DNAH6: variants seen among roughly 807,000 people sequenced by gnomAD.
DNAH6 encodes the protein dynein axonemal heavy chain 6, also known as axonemal beta dynein heavy chain 6.
Under a neutral mutation model 491.4 loss-of-function variants are expected in DNAH6, and 340 were observed. That is an observed-to-expected ratio of 0.69 (90% CI 0.63 to 0.76). DNAH6 has a LOEUF of 0.76. Among genes scored for constraint, DNAH6 ranks in the 30% least tolerant of loss-of-function variants. The probability of loss-of-function intolerance (pLI) is 0.00; values close to 1 mark genes in which losing one functional copy is unlikely to be tolerated. For missense variants in DNAH6, 4,443 were observed against 4,972.2 expected (o/e 0.89, Z 3.20); for synonymous variants, 1,603 against 1,686.1 (o/e 0.95, Z 1.21).
upstream of DNAH6, among the ~76,000 whole-genome samples, chr2:84,513,056 C>A (rs1002332484): frequency 4.0e-5 from 6 of 150,084 alleles, no homozygotes; most frequent in African/African-American, 1.5e-4. Context: ...CTATTGCCTT[C>A]TTTTGTATGA....
intron 29 of DNAH6, among the ~76,000 whole-genome samples, chr2:84,627,443 T>A (rs10175395): frequency 0.14 from 20,993 of 152,174 alleles, 2,241 homozygotes; most frequent in African/African-American, 0.3. Flanking sequence ...AGGTTTAAAA[T>A]GATTTTCTCA....
intron 63 of DNAH6, among the ~76,000 whole-genome samples, chr2:84,755,673 A>G (rs1243097532): frequency 6.6e-6 from 1 of 152,200 alleles, no homozygotes; most frequent in African/African-American, 2.4e-5. Flanking sequence ...AGAACCTACA[A>G]CACAATGTTG....
At chr2:84,751,645 G>C (rs1480361522) in intron 63 of DNAH6, among the ~76,000 whole-genome samples, 1 of 152,182 alleles carries the variant, frequency 6.6e-6, no homozygotes, top group Admixed American at 6.5e-5. Flanking sequence ...GAACTAGAAA[G>C]AGAAAAAAAC....
chr2:84,508,618 G>A, the DNAH6 span, among the ~76,000 whole-genome samples: 1 of 152,106 alleles, frequency 6.6e-6, no homozygotes, highest in African/African-American at 2.4e-5. Flanking sequence ...GCTTTTGAAT[G>A]TGTTTGCTCT....
intron 3 of DNAH6, among the ~76,000 whole-genome samples, chr2:84,526,004 T>C (rs925068395): frequency 1.3e-5 from 2 of 152,168 alleles, no homozygotes; most frequent in Non-Finnish European, 2.9e-5. Flanking sequence ...TTTTGAATGT[T>C]ATTATAACTT....
At position 84,707,707 on chromosome 2, in the gene DNAH6, C is replaced by T; in HGVS notation, c.9039C>T (p.Tyr3013=). The change falls in exon 54 of 77, where the codon TAC becomes TAT. Residue 3013 remains tyrosine (Y), a synonymous_variant. Transcript: ENST00000389394. ...ACTATGGGGCTTTCACAGCCCAGTACAGGCAGTCAGTGAGTAACCCTGCTT... is the reference window on the plus strand; with the variant it reads ...ACTATGGGGCTTTCACAGCCCAGTATAGGCAGTCAGTGAGTAACCCTGCTT... ...VAYYGAFTAQ[Y]RQSLIECWIQ... 3 of 1,551,786 alleles carry T rather than the reference C, an allele frequency of 1.9e-6. No homozygotes were observed. The highest frequency in any genetic ancestry group is 2.6e-6 in the Non-Finnish European group (3 of 1,146,730).
chr2:84,697,688 A>T lies in DNAH6; in HGVS notation c.7638A>T (p.Arg2546Ser). Residue 2546 changes from arginine (R) to serine (S), a missense_variant, in exon 47 of 77, where the codon AGA (arginine) becomes AGT (serine). Arg to Ser is a moderately radical substitution (Grantham distance 110). Transcript: ENST00000389394. ...LEQVLAATRP[R>S]AKEVGISEGN... is the part of the protein sequence containing the mutation. ...AGGTTTTAGCGGCCACCAGACCAAG[A>T]GCAAAAGAAGTAGGAATTTCTGAGG... 1 of 1,551,892 alleles carries T rather than the reference A, an allele frequency of 6.4e-7. No individual in the cohort carries two copies. The highest frequency in any genetic ancestry group is 8.7e-7 in the Non-Finnish European group (1 of 1,147,010).
intron 62 of DNAH6, among the ~76,000 whole-genome samples, chr2:84,742,665 C>G (rs1672637698): frequency 6.6e-6 from 1 of 152,042 alleles, no homozygotes; most frequent in Non-Finnish European, 1.5e-5. Context: ...TCTTTGCTTC[C>G]TTTTTTCTTC....
chr2:84,502,646 C>T, the DNAH6 span, among the ~76,000 whole-genome samples: 4 of 152,058 alleles, frequency 2.6e-5, no homozygotes, highest in Non-Finnish European at 5.9e-5. Flanking sequence ...TGTATTGGAG[C>T]CTATCCTAGC....
At position 84,607,057 on chromosome 2, in the gene DNAH6, G is replaced by T; in HGVS notation, c.3256G>T (p.Glu1086Ter). 6.4e-7 allele frequency: 1 copy of T among 1,551,448 alleles called. No homozygotes were observed. Among genetic ancestry groups the T allele is most frequent in the Non-Finnish European group, 8.7e-7 (1 of 1,146,794 alleles). Reference protein sequence around the residue: ...YLGPLKTRVDEWQKQLALFNQ... With the variant: ...YLGPLKTRVD ...TGGTCCACTGAAAACTCGAGTGGAT[G>T]AATGGCAAAAACAACTTGCTTTATT... Residue 1086 changes from glutamate (E) to a stop codon, truncating the protein, a stop_gained, in exon 21 of 77, where the codon GAA becomes TAA. Coordinates refer to ENST00000389394, the MANE Select transcript of DNAH6 (RefSeq NM_001370.2). LOFTEE classifies it high-confidence loss of function.
In DNAH6 at chr2:84,642,059, G is replaced by A; in HGVS notation, c.5078+5G>A. ...AGATGATGCTCTTCTGTTCAGGTAA[G>A]TTTGTAGACATTACCAAGTAAAGCA... On this transcript the variant is annotated splice_donor_5th_base_variant and intron_variant, in intron 33 of 76. Coordinates refer to ENST00000389394, the MANE Select transcript of DNAH6 (RefSeq NM_001370.2). The A allele has an allele frequency of 6.5e-7, 1 of 1,537,762 alleles. No homozygotes were observed. Among genetic ancestry groups the A allele is most frequent in the East Asian group, 2.5e-5 (1 of 40,810 alleles).
the DNAH6 span, among the ~76,000 whole-genome samples, chr2:84,477,511 C>T: frequency 6.6e-6 from 1 of 152,196 alleles, no homozygotes; most frequent in Non-Finnish European, 1.5e-5. Context: ...GACTACCCAC[C>T]TCCTTTCAAG....
the DNAH6 span, among the ~76,000 whole-genome samples, chr2:84,498,669 T>G: frequency 2.0e-5 from 3 of 151,416 alleles, no homozygotes; most frequent in African/African-American, 7.3e-5. Context: ...TTTGTACTGC[T>G]CAGACCCAGA....
chr2:84,775,092 A>G (rs930676788), intron 64 of DNAH6, among the ~76,000 whole-genome samples: 5 of 152,168 alleles, frequency 3.3e-5, no homozygotes, highest in Non-Finnish European at 7.4e-5. Context: ...CCAGTTCTCA[A>G]GGAGAATGGT....
intron 37 of DNAH6, 102 bp downstream of exon 37, chr2:84,659,271 T>C (rs779856995): frequency 3.2e-6 from 2 of 617,358 alleles, no homozygotes; most frequent in Non-Finnish European, 4.8e-6. Context: ...ATATAACTTA[T>C]ACACTAAACT....
At chr2:84,459,825 G>C in the DNAH6 span, 1 of 152,930 alleles carries the variant, frequency 6.5e-6, no homozygotes, top group Non-Finnish European at 1.5e-5. Context: ...AATTCGAACT[G>C]GCACTGGTGG....
intron 76 of DNAH6, among the ~76,000 whole-genome samples, chr2:84,816,881 T>C (rs1680537761): frequency 6.6e-6 from 1 of 151,468 alleles, no homozygotes; most frequent in South Asian, 2.1e-4. Flanking sequence ...GAAGAGAGAA[T>C]GAACTGGGAA....
intron 63 of DNAH6, among the ~76,000 whole-genome samples, chr2:84,746,952 G>A (rs1435511800): frequency 2.0e-5 from 3 of 152,122 alleles, no homozygotes; most frequent in African/African-American, 7.2e-5. Flanking sequence ...TCTTATGTGA[G>A]CTACTAGAGC....
At chr2:84,553,362 TTCTTTTCTTTCTTTCTTTCTTTC>T (rs1399455666) in intron 10 of DNAH6, among the ~76,000 whole-genome samples, 143 of 17,366 alleles carry the variant, frequency 8.2e-3, no homozygotes, top group Non-Finnish European at 0.01. Context: ...TTCTTTTCTT[TTCTTTTCTTTCTTTCTTTCTTTC>T]TTTCTTTCTT....
Sources: allele counts gnomAD v4.1 joint callset (sites outside exome capture counted in the v4.1 genomes callset), GRCh38; gene constraint gnomAD v4.1.1; transcripts MANE v1.5; gene names NCBI Gene and HGNC (gene_info 2026-07-23, HGNC 2026-07-21).